LAMB4: variants seen among roughly 807,000 people sequenced by gnomAD.
The protein encoded by LAMB4 is laminin subunit beta-4.
Under a neutral mutation model 199.2 loss-of-function variants are expected in LAMB4, and 196 were observed. That is an observed-to-expected ratio of 0.98 (90% CI 0.88 to 1.11). The LOEUF is 1.11. LAMB4 is among the 50% of genes least tolerant of loss of function. The pLI is 0.00. For missense variants in LAMB4, 2,080 were observed against 2,171.2 expected (o/e 0.96, Z 0.83); for synonymous variants, 744 against 770.6 (o/e 0.97, Z 0.57).
chr7:108,092,546 C>A (rs980044032), intron 12 of LAMB4, 130 bp from the exon 13 acceptor site: 3 of 701,340 alleles, frequency 4.3e-6, no homozygotes, highest in Non-Finnish European at 7.7e-6. Context: ...CTCAGAGAAA[C>A]CTTCCTGGCC....
intron 9 of LAMB4, among the ~76,000 whole-genome samples, 171 bp downstream of exon 9, chr7:108,104,328 G>T (rs1012794917): frequency 6.6e-6 from 1 of 152,170 alleles, no homozygotes; most frequent in Non-Finnish European, 1.5e-5. Context: ...GGAGAAGTTG[G>T]CGATTCTTCT....
chr7:108,078,129 A>G (rs1054312098), intron 16 of LAMB4, 72 bp downstream of exon 16: 1 of 1,004,776 alleles, frequency 1.0e-6, no homozygotes, highest in African/African-American at 1.6e-5. Flanking sequence ...CTTAGTTCCC[A>G]GAAACAAATT....
At position 108,028,073 on chromosome 7, in the gene LAMB4, C is replaced by T. The variant is rs557172343; in HGVS notation, c.5146+970G>A. On this transcript the variant is annotated intron_variant, in intron 33 of 33. Coordinates refer to ENST00000388781, the MANE Select transcript of LAMB4 (RefSeq NM_007356.3). The stretch of plus-strand genomic sequence containing the variant: ...TGTTGGGATTACAGGTGTGAGCCAC[C>T]GCGCCTGGCCGGTATTCCATGTTTG... 2.6e-4 allele frequency among the ~76,000 whole-genome samples: 39 copies of T among 152,192 alleles called. 1 individual carries two copies. Among genetic ancestry groups the T allele is most frequent in the Non-Finnish European group, 2.9e-5 (2 of 68,018 alleles).
At chr7:108,052,054 C>G (rs764659797) in intron 26 of LAMB4, 43 bp downstream of exon 26, 4 of 1,548,364 alleles carry the variant, frequency 2.6e-6, no homozygotes, top group East Asian at 4.5e-5. Flanking sequence ...TGGATTTCAT[C>G]AAACTTTGTG....
At chr7:108,055,576 TG>T in intron 25 of LAMB4, 55 bp downstream of exon 25, 3 of 1,520,342 alleles carry the variant, frequency 2.0e-6, no homozygotes, top group Non-Finnish European at 2.7e-6. Context: ...TAAAGCTTGG[TG>T]GGAGTTAAGG....
At chr7:108,106,091 T>C (rs2037999104) in intron 7 of LAMB4, 60 bp from the exon 8 acceptor site, 2 of 1,237,006 alleles carry the variant, frequency 1.6e-6, no homozygotes, top group Non-Finnish European at 2.4e-6. Flanking sequence ...CAAGGGACTC[T>C]TCTTGACTGA....
Position 108,068,584 on chromosome 7 carries a change from C to T in LAMB4, c.2303-425G>A, listed in dbSNP as rs1352820391. Among the ~76,000 whole-genome samples, 6 of 152,310 alleles carry T rather than the reference C, an allele frequency of 3.9e-5. No individual in the cohort carries two copies. The East Asian group carries it at 1.2e-3, about 29-fold the overall frequency. On this transcript the variant is annotated intron_variant, in intron 18 of 33. Coordinates refer to ENST00000388781, the MANE Select transcript of LAMB4 (RefSeq NM_007356.3). ...GCTGGAGTGGTGTGATCATAGCTCA[C>T]TGTAGCCTTGAATTCCTGGGCTTAA...
At chr7:108,124,765 G>A (rs192441081) in intron 1 of LAMB4, among the ~76,000 whole-genome samples, 7 of 151,762 alleles carry the variant, frequency 4.6e-5, no homozygotes, top group East Asian at 3.9e-4. Flanking sequence ...TTCTACCTTC[G>A]AGGCTTTTCC....
chr7:108,125,560 G>T (rs115695010), intron 1 of LAMB4, among the ~76,000 whole-genome samples: 1 of 152,202 alleles, frequency 6.6e-6, no homozygotes, highest in Non-Finnish European at 1.5e-5. Context: ...CTGGGGTAAA[G>T]TGCTACATAG....
chr7:108,097,316 A>C (rs2150629771), intron 11 of LAMB4, among the ~76,000 whole-genome samples: 1 of 152,256 alleles, frequency 6.6e-6, no homozygotes, highest in South Asian at 2.1e-4. Context: ...AGCAGCTCTA[A>C]ATTTCTGTGA....
chr7:108,103,427 C>T (rs1319014129), intron 9 of LAMB4, among the ~76,000 whole-genome samples, 195 bp from the exon 10 acceptor site: 1 of 152,214 alleles, frequency 6.6e-6, no homozygotes, highest in Non-Finnish European at 1.5e-5. Context: ...TGATTCTGCT[C>T]CTACGCTTTC....
intron 23 of LAMB4, among the ~76,000 whole-genome samples, chr7:108,060,099 G>A (rs17154878): frequency 0.087 from 13,304 of 152,192 alleles, 1,688 homozygotes; most frequent in African/African-American, 0.28. Flanking sequence ...AAATATCCAC[G>A]TCTTCCCCGT....
rs2035272872 is a variant in LAMB4 at position 108,037,528 on chromosome 7, A to G, written c.4539T>C (p.Ile1513=). 1.2e-6 allele frequency: 2 copies of G among 1,614,054 alleles called. No individual in the cohort carries two copies. Among genetic ancestry groups the G allele is most frequent in the South Asian group, 1.1e-5 (1 of 91,072 alleles). Residue 1513 remains isoleucine (I), a synonymous_variant, in exon 30 of 34, where the codon ATT becomes ATC. Transcript: ENST00000388781. The part of the protein sequence containing the change: ...ANGVLDIHLP[I]PSQNLTDELV... ...GTTCATCGGTTAGATTTTGGGATGG[A>G]ATTGGTAGGTGAATGTCAAGCACAC...
At chr7:108,019,695 C>T (rs1296117981), downstream of LAMB4, among the ~76,000 whole-genome samples, 2 of 152,000 alleles carry the variant, frequency 1.3e-5, no homozygotes, top group African/African-American at 2.4e-5. Flanking sequence ...CAGCTGTGTG[C>T]CTGGTTAAAA....
At chr7:108,075,213 G>A (rs6942816) in intron 17 of LAMB4, among the ~76,000 whole-genome samples, 32,822 of 152,014 alleles carry the variant, frequency 0.22, 7,065 homozygotes, top group African/African-American at 0.56. Context: ...AAATCATGAC[G>A]GTTTAAAATT....
chr7:108,112,658 G>A (rs1223535552), intron 3 of LAMB4, among the ~76,000 whole-genome samples: 1 of 152,164 alleles, frequency 6.6e-6, no homozygotes, highest in Non-Finnish European at 1.5e-5. Flanking sequence ...TTAATTTAAT[G>A]CATCTACTTG....
rs2038396693 is a variant in LAMB4 at position 108,116,088 on chromosome 7, C to G, written c.108G>C (p.Leu36=). 3 of 1,614,082 alleles carry G rather than the reference C, an allele frequency of 1.9e-6. No homozygotes were observed. The highest frequency in any genetic ancestry group is 2.5e-6 in the Non-Finnish European group (3 of 1,179,984). Residue 36 remains leucine, a synonymous_variant, in exon 3 of 34, where the codon CTG becomes CTC. Coordinates refer to ENST00000388781, the MANE Select transcript of LAMB4 (RefSeq NM_007356.3). The stretch of plus-strand genomic sequence containing the variant: ...CCATAAGCTGCGTGTTCCTGCCCAC[C>G]AGGAGATCACCAGTGGTGGGATGAC... ...GACHPTTGDL[L]VGRNTQLMAS...
intron 23 of LAMB4, among the ~76,000 whole-genome samples, chr7:108,061,187 C>T (rs1279996909): frequency 6.6e-6 from 1 of 152,022 alleles, no homozygotes; most frequent in South Asian, 2.1e-4. Flanking sequence ...CCAAGAGGAG[C>T]CTCAGGAAAT....
chr7:108,122,794 T>C (rs1030980948), intron 2 of LAMB4, among the ~76,000 whole-genome samples: 2 of 152,200 alleles, frequency 1.3e-5, no homozygotes, highest in South Asian at 4.1e-4. Flanking sequence ...CAAGACCTCA[T>C]TGCTGGGAAA....
Sources: gnomAD v4.1 joint callset for allele counts (sites outside exome capture counted in the v4.1 genomes callset) on GRCh38, gnomAD v4.1.1 for gene constraint, MANE v1.5 for transcripts, NCBI Gene and HGNC (gene_info 2026-07-23, HGNC 2026-07-21) for gene names.